The following CUX2 variants were observed in gnomAD, a reference collection of about 807,000 sequenced individuals.
CUX2 encodes cut like homeobox 2, also known as homeobox protein cut-like 2.
A neutral mutation model predicts 144.8 loss-of-function variants in CUX2; 40 were observed. The observed-to-expected ratio is 0.28, with a 90% CI of 0.21 to 0.36. CUX2 has a LOEUF of 0.36. CUX2 is among the 10% of genes least tolerant of loss of function. CUX2 has a pLI of 1.00. For missense variants in CUX2, 1,615 were observed against 1,994.0 expected, an observed-to-expected ratio of 0.81 and a Z score of 3.62; for synonymous variants, 827 against 875.6, an observed-to-expected ratio of 0.94 and a Z score of 0.98.
chr12:111,164,279 A>T (rs1389005946), intron 1 of CUX2, among the ~76,000 whole-genome samples: 3 of 152,138 alleles, frequency 2.0e-5, no homozygotes, highest in Non-Finnish European at 4.4e-5. Context: ...TTTGTTGAGT[A>T]GGAGTTAGAA....
At position 111,059,647 on chromosome 12, in the gene CUX2, C is replaced by T. The variant is rs1870679999; in HGVS notation, c.63+25407C>T. 6.6e-6 allele frequency among the ~76,000 whole-genome samples: 1 copy of T among 151,916 alleles called. No homozygotes were observed. The highest frequency in any genetic ancestry group is 2.4e-5 in the African/African-American group (1 of 41,336). ...GGGCAGGGTGGCAGGAGCCAGATCA[C>T]CTTGAGGGCTATGGTGAGGAGGTGG... On this transcript the variant is annotated intron_variant, in intron 1 of 21. Coordinates refer to ENST00000261726, the MANE Select transcript of CUX2 (RefSeq NM_015267.4). This position sits in a 1 kb window ranked among gnomAD's most constrained non-coding sequence, Gnocchi z 5.3.
At chr12:111,145,169 G>T (rs1345484237) in intron 1 of CUX2, among the ~76,000 whole-genome samples, 1 of 152,348 alleles carries the variant, frequency 6.6e-6, no homozygotes, top group South Asian at 2.1e-4. Flanking sequence ...CACAGGATCT[G>T]TGATCTCATA....
intron 4 of CUX2, among the ~76,000 whole-genome samples, chr12:111,281,952 G>A (rs1016218254): frequency 1.3e-5 from 2 of 152,264 alleles, no homozygotes; most frequent in East Asian, 1.9e-4. Context: ...ACTGCAGCAC[G>A]GCTCTGAGAA....
intron 3 of CUX2, among the ~76,000 whole-genome samples, chr12:111,244,482 G>T (rs1244492562): frequency 2.0e-5 from 3 of 152,252 alleles, no homozygotes; most frequent in Non-Finnish European, 2.9e-5. Context: ...GTCCGGAGCT[G>T]CAAGACATTG....
At chr12:111,243,768 C>A (rs1345148730) in intron 3 of CUX2, among the ~76,000 whole-genome samples, 1 of 152,046 alleles carries the variant, frequency 6.6e-6, no homozygotes. Context: ...CTGGGAAGGT[C>A]TTGAGGTGCA....
chr12:111,343,514 G>C (rs11065872), intron 21 of CUX2, among the ~76,000 whole-genome samples: 2,620 of 152,194 alleles, frequency 0.017, 79 homozygotes, highest in East Asian at 0.12. Flanking sequence ...TCCAGGGGGA[G>C]AGAATGTCTC....
intron 19 of CUX2, among the ~76,000 whole-genome samples, chr12:111,337,532 C>A (rs1160833194): frequency 1.3e-5 from 2 of 152,176 alleles, no homozygotes; most frequent in Admixed American, 6.5e-5. Flanking sequence ...TTTCCTGCTG[C>A]CTCTAAAAAT....
At chr12:111,156,429 T>C (rs1877378495) in intron 1 of CUX2, among the ~76,000 whole-genome samples, 2 of 152,202 alleles carry the variant, frequency 1.3e-5, no homozygotes, top group South Asian at 2.1e-4. Flanking sequence ...CTTTCCAGAA[T>C]GTTTGATTTT....
At chr12:111,140,970 G>A (rs77867421) in intron 1 of CUX2, among the ~76,000 whole-genome samples, 9,991 of 152,114 alleles carry the variant, frequency 0.066, 1,121 homozygotes, top group African/African-American at 0.23. Flanking sequence ...TTTTAGTGTC[G>A]TTCTGAAGAT....
intron 3 of CUX2, among the ~76,000 whole-genome samples, chr12:111,226,619 A>C (rs1882160096): frequency 6.6e-6 from 1 of 152,148 alleles, no homozygotes; most frequent in South Asian, 2.1e-4. Context: ...TTAATCTTGG[A>C]GTCATGGACG....
chr12:111,044,191 A>G (rs1869888872), intron 1 of CUX2, among the ~76,000 whole-genome samples: 1 of 152,072 alleles, frequency 6.6e-6, no homozygotes, highest in Non-Finnish European at 1.5e-5. Context: ...TTCTTGTCCC[A>G]CAGGAAAGAA....
At chr12:111,045,239 G>A (rs1474654103) in intron 1 of CUX2, among the ~76,000 whole-genome samples, 4 of 152,246 alleles carry the variant, frequency 2.6e-5, no homozygotes, top group South Asian at 2.1e-4. Flanking sequence ...GGGACCCCTC[G>A]TTTATAATCG....
chr12:111,194,320 A>G (rs964090885), intron 1 of CUX2, among the ~76,000 whole-genome samples: 8 of 152,188 alleles, frequency 5.3e-5, no homozygotes, highest in Admixed American at 1.3e-4. Context: ...CGTCACTGTT[A>G]TTATTCTCTC....
chr12:111,140,874 T>C lies in CUX2; in HGVS notation c.64-73326T>C, dbSNP rs1325870069. ...GATATTTCAGTTTTATTTCCTTGGC[T>C]CAGTGTTCCCACCTGGGGACGATGC... is the stretch of plus-strand genomic sequence containing the variant. On this transcript the variant is annotated intron_variant, in intron 1 of 21. Coordinates refer to ENST00000261726, the MANE Select transcript of CUX2 (RefSeq NM_015267.4). Among the ~76,000 whole-genome samples the C allele has an allele frequency of 3.3e-5, 5 of 152,232 alleles. No homozygotes were observed. In the South Asian group the frequency reaches 1.0e-3, roughly 32 times the overall value.
chr12:111,082,198 AT>A (rs1182080914), intron 1 of CUX2, among the ~76,000 whole-genome samples: 1 of 152,206 alleles, frequency 6.6e-6, no homozygotes, highest in African/African-American at 2.4e-5. Flanking sequence ...GTTTTGAGGC[AT>A]CTCTGTGTTG....
intron 1 of CUX2, among the ~76,000 whole-genome samples, chr12:111,065,639 C>T (rs1366641229): frequency 2.0e-5 from 3 of 152,154 alleles, no homozygotes; most frequent in Non-Finnish European, 4.4e-5. Flanking sequence ...CCCAGCCACC[C>T]CTGTGTTATT....
At chr12:111,256,760 G>C (rs1483502183) in intron 3 of CUX2, among the ~76,000 whole-genome samples, 11 of 152,140 alleles carry the variant, frequency 7.2e-5, no homozygotes, top group Non-Finnish European at 1.6e-4. Flanking sequence ...CTGCCCCTTA[G>C]TTTCTTTCTT....
At position 111,088,753 on chromosome 12, in the gene CUX2, T is replaced by C. The variant is rs1394090943; in HGVS notation, c.63+54513T>C. On this transcript the variant is annotated intron_variant, in intron 1 of 21. Transcript: ENST00000261726. Reference sequence around the variant, plus strand: ...AGGCCCTGAGCCCTTAGTTCTTTCCTCTAGACGTGCAACTCTGAGCGCCTC... The same window carrying C: ...AGGCCCTGAGCCCTTAGTTCTTTCCCCTAGACGTGCAACTCTGAGCGCCTC... Among the ~76,000 whole-genome samples, 11 of 152,276 alleles carry C rather than the reference T, an allele frequency of 7.2e-5. 1 individual carries two copies. Among genetic ancestry groups the C allele is most frequent in the Admixed American group, 7.2e-4 (11 of 15,298 alleles).
At chr12:111,117,608 G>A (rs1444018891) in intron 1 of CUX2, among the ~76,000 whole-genome samples, 2 of 152,168 alleles carry the variant, frequency 1.3e-5, no homozygotes, top group African/African-American at 2.4e-5. Context: ...ACAACAAGGA[G>A]TTCCTCTGAC....
Sources: allele counts gnomAD v4.1 joint callset (sites outside exome capture counted in the v4.1 genomes callset), GRCh38; gene constraint gnomAD v4.1.1; non-coding constraint Gnocchi (gnomAD v3.1); transcripts MANE v1.5; gene names NCBI Gene and HGNC (gene_info 2026-07-23, HGNC 2026-07-21).